The following AFAP1L2 variants were observed in gnomAD, a reference collection of about 807,000 sequenced individuals.
AFAP1L2 encodes actin filament associated protein 1 like 2, also known as actin filament-associated protein 1-like 2.
A neutral mutation model predicts 99.3 loss-of-function variants in AFAP1L2; 46 were observed. The observed-to-expected ratio is 0.46, with a 90% CI of 0.37 to 0.59. AFAP1L2 has a LOEUF of 0.59. Among genes scored for constraint, AFAP1L2 ranks in the 20% least tolerant of loss-of-function variants. The pLI is 0.00. For synonymous variants in AFAP1L2, 397 were observed against 419.1 expected (o/e 0.95, Z 0.64); for missense variants, 959 against 1,034.9 (o/e 0.93, Z 1.01).
chr10:114,283,252 C>T, the AFAP1L2 span, among the ~76,000 whole-genome samples: 1,099 of 152,116 alleles, frequency 7.2e-3, 14 homozygotes, highest in African/African-American at 0.025. Context: ...CAGTTAGACA[C>T]ACAGGCAGGG....
chr10:114,282,711 AGAG>A, the AFAP1L2 span: 4 of 701,720 alleles, frequency 5.7e-6, no homozygotes, highest in Non-Finnish European at 2.6e-6. Context: ...CTTGGGGGGC[AGAG>A]GAGAGTGTGC....
chr10:114,369,322 A>G (rs1403078068), intron 1 of AFAP1L2, among the ~76,000 whole-genome samples: 7 of 152,178 alleles, frequency 4.6e-5, no homozygotes, highest in East Asian at 1.9e-4. Flanking sequence ...CAGGCCGGGC[A>G]CAGTGGCTCA....
At chr10:114,388,467 C>G (rs2056779889) in intron 1 of AFAP1L2, among the ~76,000 whole-genome samples, 1 of 152,196 alleles carries the variant, frequency 6.6e-6, no homozygotes, top group African/African-American at 2.4e-5. Context: ...CCAAGTTACT[C>G]CCACAACATC....
intron 1 of AFAP1L2, among the ~76,000 whole-genome samples, chr10:114,384,074 A>G (rs985692943): frequency 6.6e-6 from 1 of 152,186 alleles, no homozygotes; most frequent in Admixed American, 6.5e-5. Context: ...CCCTAAAAGG[A>G]CCGGACCCTC....
intron 1 of AFAP1L2, among the ~76,000 whole-genome samples, chr10:114,404,040 C>G (rs553031355): frequency 6.6e-6 from 1 of 152,160 alleles, no homozygotes; most frequent in Non-Finnish European, 1.5e-5. Flanking sequence ...ACTCAACAGC[C>G]CGACCCTTTG....
chr10:114,298,919 A>C (rs1463729735), intron 16 of AFAP1L2, among the ~76,000 whole-genome samples: 1 of 152,220 alleles, frequency 6.6e-6, no homozygotes, highest in Non-Finnish European at 1.5e-5. Context: ...AAAAATCTGC[A>C]GTGCCAGGTC....
chr10:114,329,586 C>A (rs900926736), intron 4 of AFAP1L2, among the ~76,000 whole-genome samples: 5 of 152,140 alleles, frequency 3.3e-5, no homozygotes, highest in Non-Finnish European at 7.4e-5. Context: ...GAACAGCCAC[C>A]TTTCCACTCC....
At chr10:114,346,985 C>T (rs951577318) in intron 1 of AFAP1L2, among the ~76,000 whole-genome samples, 3 of 152,226 alleles carry the variant, frequency 2.0e-5, no homozygotes, top group East Asian at 3.9e-4. Flanking sequence ...CCACTCTTCA[C>T]GGTTTCCCTG....
At chr10:114,294,514 C>T (rs928214613), downstream of AFAP1L2, among the ~76,000 whole-genome samples, 3 of 152,164 alleles carry the variant, frequency 2.0e-5, no homozygotes, top group Admixed American at 1.3e-4. Flanking sequence ...ACTTAGGCAA[C>T]CTTCCCAGTA....
At chr10:114,328,423 G>A (rs891995719) in intron 4 of AFAP1L2, among the ~76,000 whole-genome samples, 1 of 152,182 alleles carries the variant, frequency 6.6e-6, no homozygotes, top group Non-Finnish European at 1.5e-5. Context: ...GCCCTCAGGT[G>A]GACAAACCTC....
chr10:114,335,567 A>G (rs1242154610), intron 2 of AFAP1L2, among the ~76,000 whole-genome samples: 4 of 149,848 alleles, frequency 2.7e-5, no homozygotes, highest in African/African-American at 9.8e-5. Context: ...GAGCTGAGAT[A>G]GTGCCACTGC....
At chr10:114,393,918 A>G (rs1417873557) in intron 1 of AFAP1L2, among the ~76,000 whole-genome samples, 1 of 152,212 alleles carries the variant, frequency 6.6e-6, no homozygotes, top group African/African-American at 2.4e-5. Context: ...CAAACAATGG[A>G]CACATTCTCA....
intron 2 of AFAP1L2, among the ~76,000 whole-genome samples, chr10:114,338,142 G>C (rs1262996503): frequency 1.3e-5 from 2 of 152,220 alleles, no homozygotes; most frequent in African/African-American, 4.8e-5. Flanking sequence ...TGCTTATTCA[G>C]AGAATAGAAA....
At chr10:114,370,425 A>T (rs947191114) in intron 1 of AFAP1L2, among the ~76,000 whole-genome samples, 1 of 152,214 alleles carries the variant, frequency 6.6e-6, no homozygotes, top group African/African-American at 2.4e-5. Flanking sequence ...CCACCCTCAC[A>T]TGAACAGGAT....
intron 1 of AFAP1L2, among the ~76,000 whole-genome samples, chr10:114,365,752 G>C (rs762826356): frequency 2.7e-5 from 4 of 149,332 alleles, no homozygotes; most frequent in Non-Finnish European, 5.9e-5. Context: ...CTGAGACAGG[G>C]TCCTACTCTT....
At chr10:114,327,173 A>ATATATT (rs1491191152) in intron 4 of AFAP1L2, among the ~76,000 whole-genome samples, 1 of 18,700 alleles carries the variant, frequency 5.3e-5, no homozygotes, top group African/African-American at 1.1e-4. Context: ...ATATATATAT[A>ATATATT]TTTTTTTTTT....
chr10:114,342,597 C>G (rs1406234015), intron 1 of AFAP1L2, among the ~76,000 whole-genome samples: 1 of 152,050 alleles, frequency 6.6e-6, no homozygotes, highest in Non-Finnish European at 1.5e-5. Context: ...GGGTAAGAGT[C>G]AGGGAGATAA....
At chr10:114,353,140 T>G (rs1039440614) in intron 1 of AFAP1L2, among the ~76,000 whole-genome samples, 3 of 152,200 alleles carry the variant, frequency 2.0e-5, no homozygotes, top group Non-Finnish European at 2.9e-5. Flanking sequence ...CCAATGAGCA[T>G]CAGCCATGGG....
chr10:114,325,409 G>T (rs962765788), intron 4 of AFAP1L2, among the ~76,000 whole-genome samples: 1 of 152,196 alleles, frequency 6.6e-6, no homozygotes, highest in Non-Finnish European at 1.5e-5. Flanking sequence ...TCGGGGCATC[G>T]CAGAGGGTTG....
Sources: gnomAD v4.1 joint callset for allele counts (sites outside exome capture counted in the v4.1 genomes callset) on GRCh38, gnomAD v4.1.1 for gene constraint, MANE v1.5 for transcripts, NCBI Gene and HGNC (gene_info 2026-07-23, HGNC 2026-07-21) for gene names.